Variants in KLHL13 observed in about 807,000 individuals in gnomAD.
KLHL13 encodes the protein kelch like family member 13, also known as kelch-like protein 13.
A neutral mutation model predicts 37.1 loss-of-function variants in KLHL13; 10 were observed. The ratio of observed to expected loss-of-function variants is 0.27; its 90% CI spans 0.17 to 0.46. The LOEUF (loss-of-function observed/expected upper bound fraction) is 0.46. Ranked by LOEUF, KLHL13 falls within the 20% of genes least tolerant of loss-of-function variation. The probability of loss-of-function intolerance (pLI) is 1.00; values close to 1 mark genes in which losing one functional copy is unlikely to be tolerated. For missense variants in KLHL13, 360 were observed against 509.3 expected, an observed-to-expected ratio of 0.71 and a Z score of 2.82; for synonymous variants, 163 against 181.2, an observed-to-expected ratio of 0.90 and a Z score of 0.81.
intron 1 of KLHL13, among the ~76,000 whole-genome samples, chrX:118,095,634 G>C (rs1329955993): frequency 5.4e-5 from 6 of 111,453 alleles, no homozygotes; most frequent in South Asian, 3.8e-4. Flanking sequence ...TGACCACATA[G>C]TTGGAAGTAA....
exon 7 of KLHL13, chrX:117,898,361 C>T (rs1261291957): frequency 8.9e-6 from 1 of 112,083 alleles, no homozygotes; most frequent in Non-Finnish European, 1.9e-5. Context: ...CTCAATGCAC[C>T]CACACAGTCA....
intron 1 of KLHL13, among the ~76,000 whole-genome samples, chrX:118,023,133 T>C: frequency 9.7e-6 from 1 of 102,744 alleles, no homozygotes; most frequent in Non-Finnish European, 1.9e-5. Context: ...ATTTATCTTC[T>C]AGGAATTGGT....
At chrX:118,043,305 C>A (rs776486649) in intron 1 of KLHL13, among the ~76,000 whole-genome samples, 41 of 111,406 alleles carry the variant, frequency 3.7e-4, no homozygotes, top group Non-Finnish European at 6.4e-4. Context: ...TTTTACCAAA[C>A]CTTTCCAGAA....
exon 7 of KLHL13, chrX:117,899,351 C>A: frequency 1.7e-6 from 2 of 1,208,090 alleles, no homozygotes; most frequent in Non-Finnish European, 2.2e-6. Flanking sequence ...GTATCAGGGT[C>A]AAAGCACATG....
chrX:117,981,816 G>A (rs936664366), intron 1 of KLHL13, among the ~76,000 whole-genome samples: 1 of 111,442 alleles, frequency 9.0e-6, no homozygotes, highest in Non-Finnish European at 1.9e-5. Flanking sequence ...AGGCAAGATC[G>A]AGCTTGAATG....
chrX:117,900,930 T>C (rs976540950), intron 6 of KLHL13, among the ~76,000 whole-genome samples: 1 of 112,042 alleles, frequency 8.9e-6, no homozygotes, highest in African/African-American at 3.2e-5. Context: ...AAAGAAATTC[T>C]ACAGTAGATT....
chrX:117,900,385 A>G lies in KLHL13; in HGVS notation c.1481-990T>C, dbSNP rs1334924791. On this transcript the variant is annotated intron_variant, in intron 6 of 6. Coordinates refer to ENST00000262820, the Ensembl canonical transcript of KLHL13. Reference sequence around the variant, plus strand: ...CAGCTATAGTTTCTAACCACTCTTGATTGGGAAGGTCATTTCTGCAATATA... The same window carrying G: ...CAGCTATAGTTTCTAACCACTCTTGGTTGGGAAGGTCATTTCTGCAATATA... Among the ~76,000 whole-genome samples the G allele has an allele frequency of 2.2e-4, 25 of 111,992 alleles. 1 individual carries two copies. In the Admixed American group the frequency reaches 2.4e-3, roughly 11 times the overall value.
rs188389349 is a variant in KLHL13 at position 117,994,666 on chromosome X, C to T, written c.-55-49091G>A. On this transcript the variant is annotated intron_variant, in intron 1 of 6. Coordinates refer to the KLHL13 transcript ENST00000371882. ...TCTCACTGGGCACATTCAGCTTCTT[C>T]CTTGAATTATTTATAGATTTGGCTT... 3.6e-5 allele frequency among the ~76,000 whole-genome samples: 4 copies of T among 112,227 alleles called. No homozygotes were observed. In the East Asian group the frequency reaches 8.4e-4, roughly 24 times the overall value.
At position 118,029,674 on chromosome X, in the gene KLHL13, A is replaced by AAT. The variant is rs1253015254; in HGVS notation, c.-55-84100_-55-84099insAT. On this transcript the variant is annotated intron_variant, in intron 1 of 6. Coordinates refer to the KLHL13 transcript ENST00000371882. ...GCATAATACGCAATTTAGTTTATTC[A>AAT]TAAAGTTATGTTGGCTGGGTGCAGT... Among the ~76,000 whole-genome samples the AAT allele has an allele frequency of 1.6e-3, 179 of 112,627 alleles. 2 individuals are homozygous for AAT. The highest frequency in any genetic ancestry group is 5.6e-3 in the African/African-American group (173 of 31,066).
chrX:117,980,988 T>C (rs1312263098), intron 1 of KLHL13, among the ~76,000 whole-genome samples: 1 of 112,084 alleles, frequency 8.9e-6, no homozygotes, highest in Non-Finnish European at 1.9e-5. Flanking sequence ...TTCATGACTA[T>C]TTCCAGATCC....
intron 1 of KLHL13, 27 bp from the exon 2 acceptor site, chrX:118,028,524 T>C (rs1407439053): frequency 5.7e-6 from 4 of 702,866 alleles, no homozygotes; most frequent in Non-Finnish European, 8.5e-6. Context: ...GAAGCCAATA[T>C]TTACTATGAA....
At chrX:118,082,689 T>G (rs1344310443) in intron 1 of KLHL13, among the ~76,000 whole-genome samples, 1 of 111,970 alleles carries the variant, frequency 8.9e-6, no homozygotes, top group African/African-American at 3.2e-5. Flanking sequence ...AAGAATTTCA[T>G]AAAGCACTTC....
chrX:117,955,602 C>G (rs999810529), intron 1 of KLHL13, among the ~76,000 whole-genome samples: 17 of 111,194 alleles, frequency 1.5e-4, no homozygotes, highest in Non-Finnish European at 3.0e-4. Flanking sequence ...GAGAATAATA[C>G]AAAAAAAGAA....
chrX:118,094,535 G>A lies in KLHL13; in HGVS notation c.-56+21973C>T, dbSNP rs187492732. ...CCAACATTCAGATTCAGGAAATACA[G>A]AGAACGTCACAAAGATACTCCCCGA... On this transcript the variant is annotated intron_variant, in intron 1 of 6. Transcript: ENST00000371882. 4.3e-4 allele frequency among the ~76,000 whole-genome samples: 48 copies of A among 110,737 alleles called. 1 individual carries two copies. The highest frequency in any genetic ancestry group is 4.6e-3 in the Middle Eastern group (1 of 216).
intron 1 of KLHL13, among the ~76,000 whole-genome samples, chrX:118,071,474 C>T (rs1337444327): frequency 1.8e-5 from 2 of 111,447 alleles, no homozygotes; most frequent in African/African-American, 6.5e-5. Context: ...TGGTATCTCA[C>T]TGTGGTTTTG....
intron 2 of KLHL13, among the ~76,000 whole-genome samples, chrX:117,937,193 C>G (rs1459408197): frequency 8.9e-6 from 1 of 112,187 alleles, no homozygotes; most frequent in Non-Finnish European, 1.9e-5. Context: ...GACAACACCA[C>G]ACCTAAGATT....
At chrX:117,976,110 T>C (rs1183346363), upstream of KLHL13, among the ~76,000 whole-genome samples, 2 of 111,275 alleles carry the variant, frequency 1.8e-5, no homozygotes, top group South Asian at 3.8e-4. Flanking sequence ...TTGTTCAGCA[T>C]GAAAAGAAAG....
chrX:118,095,483 G>A (rs1260284688), intron 1 of KLHL13, among the ~76,000 whole-genome samples: 2 of 111,070 alleles, frequency 1.8e-5, no homozygotes, highest in African/African-American at 3.3e-5. Context: ...ACAGATTAAC[G>A]AGACAGAAAG....
chrX:117,967,854 G>A (rs2053462622), intron 1 of KLHL13, among the ~76,000 whole-genome samples: 2 of 112,052 alleles, frequency 1.8e-5, no homozygotes, highest in Admixed American at 1.9e-4. Flanking sequence ...CACAGACAGT[G>A]AGGAGCAAGC....
Sources: allele counts gnomAD v4.1 joint callset (sites outside exome capture counted in the v4.1 genomes callset), GRCh38; gene constraint gnomAD v4.1.1; transcripts MANE v1.5; gene names NCBI Gene and HGNC (gene_info 2026-07-23, HGNC 2026-07-21).